Variants in CEACAM21 observed in about 807,000 individuals in gnomAD.
The protein encoded by CEACAM21 is cell adhesion molecule CEACAM21.
In CEACAM21, 38 loss-of-function variants were observed where a neutral mutation model predicts 33.2. The observed-to-expected ratio is 1.14, with a 90% CI of 0.88 to 1.50. The LOEUF is 1.50. CEACAM21 is among the 40% of genes most tolerant of loss of function. The pLI is 0.00. For missense variants in CEACAM21, 385 were observed against 364.6 expected (o/e 1.06, Z -0.46); for synonymous variants, 156 against 143.0 (o/e 1.09, Z -0.65).
chr19:41,586,588 G>A lies in CEACAM21; in HGVS notation c.*125G>A. ...AGCGTCCCTGAAGCCCCCAGCCCTG[G>A]GGATGGGGAAGGACATGGAGCCTGA... On this transcript the variant is annotated 3_prime_UTR_variant, in exon 7 of 7. Transcript: ENST00000401445. The A allele has an allele frequency of 1.7e-6, 1 of 597,704 alleles. No individual in the cohort carries two copies. 37.0% of individuals were successfully genotyped at this position (597,704 alleles called of 1,614,324 possible).
intron 1 of CEACAM21, among the ~76,000 whole-genome samples, chr19:41,559,215 T>C (rs1193572478): frequency 6.6e-6 from 1 of 152,252 alleles, no homozygotes; most frequent in Non-Finnish European, 1.5e-5. Context: ...TACTCATCGA[T>C]TGTATGCACT....
chr19:41,581,216 G>A (rs1018444025), intron 3 of CEACAM21, among the ~76,000 whole-genome samples: 1 of 152,252 alleles, frequency 6.6e-6, no homozygotes, highest in Admixed American at 6.5e-5. Context: ...CCGCTTAAAG[G>A]CGTTCTTAAG....
chr19:41,553,747 G>T (rs2041365789), intron 1 of CEACAM21: 1 of 152,006 alleles, frequency 6.6e-6, no homozygotes, highest in South Asian at 2.1e-4. Context: ...AGGATATAAG[G>T]TCAGTTTTCC....
At chr19:41,572,622 A>C (rs1412209896), upstream of CEACAM21, among the ~76,000 whole-genome samples, 2 of 152,088 alleles carry the variant, frequency 1.3e-5, no homozygotes, top group Non-Finnish European at 2.9e-5. Context: ...CTGGGAGCCA[A>C]ATCACCACCA....
rs146727552 is a variant in CEACAM21 at position 41,569,047 on chromosome 19, G to A, written c.-404+3991G>A. ...GGTTAAATTTACTTCTTTTGTTTCA[G>A]CTATCATAAAAGATAGCTTAAAAAT... On this transcript the variant is annotated intron_variant, in intron 2 of 7. Transcript: ENST00000407170. 6.3e-3 allele frequency among the ~76,000 whole-genome samples: 955 copies of A among 152,162 alleles called. 12 individuals carry two copies. The highest frequency in any genetic ancestry group is 0.022 in the African/African-American group (919 of 41,500).
In CEACAM21 at chr19:41,586,487, C is replaced by A; in HGVS notation, c.*24C>A. ...AGGAATTGCTACACTCTGACACAAA[C>A]ATTTACTGCTGGATCGACCACAAAG... On this transcript the variant is annotated 3_prime_UTR_variant, in exon 7 of 7. Coordinates refer to ENST00000401445, the MANE Select transcript of CEACAM21 (RefSeq NM_001098506.4). 1.6e-6 allele frequency: 1 copy of A among 637,384 alleles called. No homozygotes were observed. Among genetic ancestry groups the A allele is most frequent in the Non-Finnish European group, 3.0e-6 (1 of 333,138 alleles). 39.5% of individuals were successfully genotyped at this position (637,384 alleles called of 1,614,324 possible).
chr19:41,564,738 G>A (rs964898401), exon 2 of CEACAM21: 6 of 152,246 alleles, frequency 3.9e-5, no homozygotes, highest in Non-Finnish European at 7.3e-5. Context: ...AAGAGATGGT[G>A]GGAAGAGCCT....
At chr19:41,562,655 A>G (rs2041961761) in intron 1 of CEACAM21, among the ~76,000 whole-genome samples, 1 of 152,218 alleles carries the variant, frequency 6.6e-6, no homozygotes, top group African/African-American at 2.4e-5. Context: ...AGCCACGCAC[A>G]TCTACAGGAG....
intron 3 of CEACAM21, among the ~76,000 whole-genome samples, chr19:41,581,804 C>T (rs1305301658): frequency 2.6e-5 from 4 of 152,164 alleles, no homozygotes; most frequent in Non-Finnish European, 5.9e-5. Context: ...CTGGGTCCTT[C>T]CCCCAACACG....
chr19:41,574,493 A>C (rs150555391), upstream of CEACAM21, among the ~76,000 whole-genome samples: 3 of 152,334 alleles, frequency 2.0e-5, no homozygotes, highest in East Asian at 5.8e-4. Flanking sequence ...ACAACTGAAT[A>C]ATAAAAAGAT....
Position 41,579,256 on chromosome 19 carries a change from TC to T in CEACAM21, c.425-95del, listed in dbSNP as rs782378881. On this transcript the variant is annotated intron_variant, in intron 2 of 6. Transcript: ENST00000401445. ...TGCTCCTCCCTGTCCTTCATCTTTC[TC>T]CTTTATTCACAGGAGAATGTTCTAA... 3.7e-6 allele frequency: 6 copies of T among 1,600,310 alleles called. No homozygotes were observed. The East Asian group carries it at 9.0e-5, about 24-fold the overall frequency.
chr19:41,563,413 A>G (rs1555787388), intron 1 of CEACAM21, among the ~76,000 whole-genome samples: 1 of 152,138 alleles, frequency 6.6e-6, no homozygotes, highest in Non-Finnish European at 1.5e-5. Flanking sequence ...CAGCCAGGGA[A>G]GGAACCCTGG....
Position 41,586,772 on chromosome 19 carries a change from G to A in CEACAM21, c.*309G>A. 2.9e-6 allele frequency: 1 copy of A among 348,214 alleles called. No individual in the cohort carries two copies. Among genetic ancestry groups the A allele is most frequent in the South Asian group, 2.4e-5 (1 of 41,576 alleles). 21.6% of individuals were successfully genotyped at this position (348,214 alleles called of 1,614,324 possible). A position where few individuals can be genotyped will look rare whatever the true frequency, so the allele number is the denominator to read the frequency against. ...CACCACAGGAAGTGGGGGCTTGCAG[G>A]GAAAGTGAATGGGCCTATGGCCCAC... On this transcript the variant is annotated 3_prime_UTR_variant, in exon 7 of 7. Transcript: ENST00000401445.
intron 2 of CEACAM21, among the ~76,000 whole-genome samples, chr19:41,578,287 TC>T (rs2043106829): frequency 6.7e-6 from 1 of 148,346 alleles, no homozygotes; most frequent in Admixed American, 6.7e-5. Flanking sequence ...CCACCAGGAA[TC>T]AGGCCCAGAG....
intron 2 of CEACAM21, 30 bp from the exon 3 acceptor site, chr19:41,579,323 G>C (rs201304431): frequency 3.7e-6 from 6 of 1,613,852 alleles, no homozygotes; most frequent in East Asian, 2.2e-5. Flanking sequence ...ATGGCCCCAA[G>C]ACACTTTCTG....
At chr19:41,562,780 G>A (rs1005189100) in intron 1 of CEACAM21, among the ~76,000 whole-genome samples, 3 of 151,810 alleles carry the variant, frequency 2.0e-5, no homozygotes, top group Admixed American at 6.6e-5. Flanking sequence ...CCAGGCTGGA[G>A]TGCAGTGGCG....
intron 2 of CEACAM21, among the ~76,000 whole-genome samples, chr19:41,570,856 TC>T (rs1374985566): frequency 3.3e-5 from 5 of 151,932 alleles, no homozygotes; most frequent in African/African-American, 9.7e-5. Flanking sequence ...AGAGCGGAGA[TC>T]AGGGCTGGCC....
upstream of CEACAM21, among the ~76,000 whole-genome samples, chr19:41,571,807 G>A (rs1480808491): frequency 6.6e-6 from 1 of 152,146 alleles, no homozygotes; most frequent in African/African-American, 2.4e-5. Context: ...CAAGAACACT[G>A]GATGGCCCCC....
chr19:41,576,193 A>G lies in CEACAM21; in HGVS notation c.-82A>G. The G allele has an allele frequency of 6.6e-7, 1 of 1,511,894 alleles. No individual in the cohort carries two copies. Among genetic ancestry groups the G allele is most frequent in the Non-Finnish European group, 9.2e-7 (1 of 1,091,712 alleles). The allele number at this position is 1,511,894 out of a possible 1,614,324, so 93.7% of individuals were successfully genotyped here. On this transcript the variant is annotated 5_prime_UTR_variant, in exon 1 of 7. Coordinates refer to ENST00000401445, the MANE Select transcript of CEACAM21 (RefSeq NM_001098506.4). ...AGAGGAAGGAAGGACAGCAGAGACA[A>G]CAGTCACAGTAACCCTGTCTAGAGC...
Sources: gnomAD v4.1 joint callset for allele counts (sites outside exome capture counted in the v4.1 genomes callset) on GRCh38, gnomAD v4.1.1 for gene constraint, MANE v1.5 for transcripts, NCBI Gene and HGNC (gene_info 2026-07-23, HGNC 2026-07-21) for gene names.